ZNF248: variants seen among roughly 807,000 people sequenced by gnomAD.
ZNF248 encodes KRAB protein domain.
In ZNF248, 20 loss-of-function variants were observed where a neutral mutation model predicts 44.3. That is an observed-to-expected ratio of 0.45 (90% CI 0.32 to 0.66). ZNF248 has a LOEUF of 0.66. ZNF248 is among the 30% of genes least tolerant of loss of function. ZNF248 has a pLI of 0.04. For synonymous variants in ZNF248, 224 were observed against 229.0 expected (o/e 0.98, Z 0.20); for missense variants, 654 against 677.0 (o/e 0.97, Z 0.38).
chr10:37,829,218 C>G lies in ZNF248; in HGVS notation c.*2397G>C. ...CAAGGTGGCCCCTCCTTCATGACAG[C>G]AGTTCTTACTGGGCTCTGGTAACAC... On this transcript the variant is annotated 3_prime_UTR_variant, in exon 6 of 6. Transcript: ENST00000395867. 1 of 985,486 alleles carries G rather than the reference C, an allele frequency of 1.0e-6. No homozygotes were observed. The highest frequency in any genetic ancestry group is 4.7e-5 in the South Asian group (1 of 21,292). 61.0% of individuals were successfully genotyped at this position (985,486 alleles called of 1,614,324 possible). A position where few individuals can be genotyped will look rare whatever the true frequency, so the allele number is the denominator to read the frequency against.
At chr10:37,838,218 T>G in intron 3 of ZNF248, 107 bp from the exon 4 acceptor site, 1 of 1,022,728 alleles carries the variant, frequency 9.8e-7, no homozygotes, top group Non-Finnish European at 1.4e-6. Context: ...ACAGGTTACC[T>G]CCCTCTGTGC....
intron 3 of ZNF248, among the ~76,000 whole-genome samples, chr10:37,841,153 T>C (rs530587265): frequency 1.1e-4 from 17 of 152,328 alleles, no homozygotes; most frequent in African/African-American, 3.8e-4. Context: ...CTCTAGAAGC[T>C]AGTAAAATTT....
Position 37,828,951 on chromosome 10 carries a change from C to G in ZNF248, c.*2664G>C. The G allele has an allele frequency of 1.0e-6, 1 of 985,444 alleles. No homozygotes were observed. Among genetic ancestry groups the G allele is most frequent in the Non-Finnish European group, 1.2e-6 (1 of 829,932 alleles). The allele number at this position is 985,444 out of a possible 1,614,324, so 61.0% of individuals were successfully genotyped here. A position where few individuals can be genotyped will look rare whatever the true frequency, so the allele number is the denominator to read the frequency against. ...TACTTATGCTAACAGGAAAGCAGAA[C>G]AAACAGAAACACTTAACTTGCAACT... On this transcript the variant is annotated 3_prime_UTR_variant, in exon 6 of 6. Transcript: ENST00000395867.
chr10:37,785,037 A>T (rs565150340), intron 6 of ZNF248, among the ~76,000 whole-genome samples: 1 of 152,200 alleles, frequency 6.6e-6, no homozygotes, highest in African/African-American at 2.4e-5. Context: ...ACATTTGGGA[A>T]TATTGTTTTG....
At chr10:37,798,717 C>G (rs1415331916) in intron 6 of ZNF248, among the ~76,000 whole-genome samples, 1 of 151,460 alleles carries the variant, frequency 6.6e-6, no homozygotes, top group Non-Finnish European at 1.5e-5. Context: ...TGATATAAAA[C>G]CTAATTTACT....
At chr10:37,852,247 CAA>C (rs574956571) in intron 3 of ZNF248, among the ~76,000 whole-genome samples, 4 of 130,648 alleles carry the variant, frequency 3.1e-5, no homozygotes, top group Non-Finnish European at 1.7e-5. Context: ...AACTCCACCT[CAA>C]AAAAAAAAAA....
At chr10:37,842,253 T>C (rs917047903) in intron 3 of ZNF248, among the ~76,000 whole-genome samples, 2 of 152,152 alleles carry the variant, frequency 1.3e-5, no homozygotes, top group African/African-American at 2.4e-5. Flanking sequence ...TGAAGTGGAA[T>C]GATGTCAGCA....
chr10:37,760,973 A>G, the ZNF248 span, among the ~76,000 whole-genome samples: 1 of 152,274 alleles, frequency 6.6e-6, no homozygotes, highest in Admixed American at 6.5e-5. Context: ...TGAAACCACA[A>G]GAACGAGATG....
Position 37,831,188 on chromosome 10 carries a change from T to A in ZNF248, c.*427A>T. 6.5e-7 allele frequency: 1 copy of A among 1,539,750 alleles called. No homozygotes were observed. Among genetic ancestry groups the A allele is most frequent in the Non-Finnish European group, 8.8e-7 (1 of 1,141,304 alleles). ...TCCTTATGATCATGTTGAGTTCCAATATACAAATCAAGCATACTCAAATTT... is the reference window on the plus strand; with the variant it reads ...TCCTTATGATCATGTTGAGTTCCAAAATACAAATCAAGCATACTCAAATTT... On this transcript the variant is annotated 3_prime_UTR_variant, in exon 6 of 6. Coordinates refer to ENST00000395867, the MANE Select transcript of ZNF248 (RefSeq NM_021045.3).
chr10:37,858,029 G>A (rs1256079296), upstream of ZNF248: 1 of 152,302 alleles, frequency 6.6e-6, no homozygotes, highest in Non-Finnish European at 1.5e-5. Context: ...CGCCTCCGGA[G>A]GCGAGGGATT....
At chr10:37,810,501 C>T (rs2051318228) in intron 6 of ZNF248, among the ~76,000 whole-genome samples, 1 of 152,076 alleles carries the variant, frequency 6.6e-6, no homozygotes, top group South Asian at 2.1e-4. Context: ...CCATGAACAA[C>T]ATGGGTTTAA....
At chr10:37,842,415 G>C (rs1190958054) in intron 3 of ZNF248, among the ~76,000 whole-genome samples, 1 of 152,088 alleles carries the variant, frequency 6.6e-6, no homozygotes, top group Non-Finnish European at 1.5e-5. Context: ...AAAATAAAAG[G>C]CAACTTCAAA....
At chr10:37,817,518 C>G (rs1472637616) in intron 6 of ZNF248, among the ~76,000 whole-genome samples, 5 of 152,158 alleles carry the variant, frequency 3.3e-5, no homozygotes, top group Non-Finnish European at 7.4e-5. Flanking sequence ...ACCCACACAT[C>G]TCAGTACTCC....
chr10:37,770,584 AC>A, the ZNF248 span, among the ~76,000 whole-genome samples: 4 of 152,330 alleles, frequency 2.6e-5, no homozygotes, highest in East Asian at 7.7e-4. Context: ...GAAAGCTGAA[AC>A]TGGATCCCTT....
chr10:37,847,612 A>G (rs1016570198), intron 3 of ZNF248, among the ~76,000 whole-genome samples: 1 of 152,248 alleles, frequency 6.6e-6, no homozygotes, highest in Non-Finnish European at 1.5e-5. Context: ...AAATAAGGCA[A>G]AAATGTTAAC....
chr10:37,790,075 C>T (rs912142033), intron 6 of ZNF248, among the ~76,000 whole-genome samples: 13 of 146,794 alleles, frequency 8.9e-5, no homozygotes, highest in African/African-American at 3.0e-4. Context: ...TCCTGGCTAA[C>T]ACAGTGAAAC....
intron 6 of ZNF248, among the ~76,000 whole-genome samples, chr10:37,816,146 C>T (rs1438616029): frequency 6.6e-6 from 1 of 151,590 alleles, no homozygotes; most frequent in Non-Finnish European, 1.5e-5. Flanking sequence ...GAAATTTTGC[C>T]AAGGAAGGGG....
chr10:37,808,066 GT>G (rs1185593656), intron 6 of ZNF248, among the ~76,000 whole-genome samples: 11 of 152,044 alleles, frequency 7.2e-5, no homozygotes, highest in African/African-American at 2.7e-4. Flanking sequence ...ATGAAAGAGT[GT>G]TGAAATATGT....
At chr10:37,769,967 T>G in the ZNF248 span, among the ~76,000 whole-genome samples, 3 of 152,164 alleles carry the variant, frequency 2.0e-5, no homozygotes, top group African/African-American at 7.2e-5. Context: ...CAAGCATTCT[T>G]ATACACCAAT....
Sources: gnomAD v4.1 joint callset for allele counts (sites outside exome capture counted in the v4.1 genomes callset) on GRCh38, gnomAD v4.1.1 for gene constraint, MANE v1.5 for transcripts, NCBI Gene and HGNC (gene_info 2026-07-23, HGNC 2026-07-21) for gene names.